Variants in LEKR1 observed in about 807,000 individuals in gnomAD.
The protein encoded by LEKR1 is leucine, glutamate and lysine rich 1.
A neutral mutation model predicts 72.4 loss-of-function variants in LEKR1; 59 were observed. That is an observed-to-expected ratio of 0.82 (90% CI 0.66 to 1.01). The LOEUF (loss-of-function observed/expected upper bound fraction) is 1.01, where lower values mean the gene tolerates loss of function less well. Among genes scored for constraint, LEKR1 ranks in the 50% least tolerant of loss-of-function variants. The pLI, the probability that LEKR1 is intolerant of heterozygous loss-of-function variation, is 0.00. For missense variants in LEKR1, 728 were observed against 759.2 expected, an observed-to-expected ratio of 0.96 and a Z score of 0.48; for synonymous variants, 257 against 263.2, an observed-to-expected ratio of 0.98 and a Z score of 0.23.
chr3:156,853,026 C>G (rs1272600538), intron 3 of LEKR1, 44 bp downstream of exon 3: 13 of 1,265,426 alleles, frequency 1.0e-5, no homozygotes, highest in Non-Finnish European at 1.4e-5. Flanking sequence ...AGTTGAAAGA[C>G]AGCTACAGGA....
chr3:156,864,170 G>T (rs1047828593), intron 3 of LEKR1, among the ~76,000 whole-genome samples: 1 of 152,002 alleles, frequency 6.6e-6, no homozygotes, highest in Non-Finnish European at 1.5e-5. Context: ...GAAGTCTGCT[G>T]ATGCCTCTAC....
intron 2 of LEKR1, among the ~76,000 whole-genome samples, chr3:156,839,928 G>A (rs1315135239): frequency 2.0e-5 from 3 of 152,224 alleles, no homozygotes; most frequent in Middle Eastern, 3.4e-3. Flanking sequence ...CTCCAAGCGT[G>A]CCTGTCTTTT....
intron 7 of LEKR1, among the ~76,000 whole-genome samples, chr3:156,983,864 G>C (rs1177155846): frequency 6.6e-6 from 1 of 152,162 alleles, no homozygotes. Flanking sequence ...AGCAAACAGA[G>C]GATCTTAAGT....
chr3:156,957,692 A>G lies in LEKR1; in HGVS notation c.745+14978A>G, dbSNP rs114310637. Among the ~76,000 whole-genome samples the G allele has an allele frequency of 2.9e-3, 442 of 152,152 alleles. 1 individual carries two copies. The highest frequency in any genetic ancestry group is 9.9e-3 in the African/African-American group (412 of 41,550). The stretch of plus-strand genomic sequence containing the variant: ...TTTCAGATGTTTTCAGTCTTCATAT[A>G]TAGGTTATGCAGTTGTAGATAGAAT... On this transcript the variant is annotated intron_variant, in intron 6 of 12. Transcript: ENST00000356539.
chr3:156,938,431 G>A (rs1330626248), intron 5 of LEKR1, among the ~76,000 whole-genome samples: 1 of 152,170 alleles, frequency 6.6e-6, no homozygotes, highest in African/African-American at 2.4e-5. Context: ...CCAGGCTGGA[G>A]TGCAGTGGCA....
intron 3 of LEKR1, among the ~76,000 whole-genome samples, chr3:156,901,797 C>T (rs564399755): frequency 1.6e-4 from 24 of 152,290 alleles, no homozygotes; most frequent in Non-Finnish European, 2.9e-4. Context: ...AGTGATTCTC[C>T]TACCTCAGCC....
chr3:156,832,112 A>G (rs1712492207), intron 2 of LEKR1, among the ~76,000 whole-genome samples: 1 of 152,226 alleles, frequency 6.6e-6, no homozygotes, highest in Non-Finnish European at 1.5e-5. Context: ...CATGTGTGCC[A>G]GGTTGAGATC....
At chr3:156,997,064 TAAA>T (rs200535143) in intron 9 of LEKR1, among the ~76,000 whole-genome samples, 2 of 140,088 alleles carry the variant, frequency 1.4e-5, no homozygotes, top group African/African-American at 2.6e-5. Flanking sequence ...AAACTTCATT[TAAA>T]AAAAAAAAAA....
At chr3:156,863,997 T>G (rs149194412) in intron 3 of LEKR1, among the ~76,000 whole-genome samples, 2 of 152,102 alleles carry the variant, frequency 1.3e-5, no homozygotes, top group Non-Finnish European at 2.9e-5. Flanking sequence ...CAGCAAGAAA[T>G]CTTCATGTGT....
At chr3:156,880,076 G>A (rs1719103372) in intron 3 of LEKR1, among the ~76,000 whole-genome samples, 1 of 152,210 alleles carries the variant, frequency 6.6e-6, no homozygotes, top group Admixed American at 6.5e-5. Flanking sequence ...GCTATGAGAA[G>A]AGGACCACTC....
intron 2 of LEKR1, among the ~76,000 whole-genome samples, chr3:156,835,560 A>G (rs1386664320): frequency 6.6e-6 from 1 of 152,226 alleles, no homozygotes; most frequent in East Asian, 1.9e-4. Context: ...CTACTGGGCA[A>G]CCCAAAGCCA....
At position 156,901,680 on chromosome 3, in the gene LEKR1, A is replaced by ATTTTG. The variant is rs201656138; in HGVS notation, c.264-18874_264-18870dup. Among the ~76,000 whole-genome samples the ATTTTG allele has an allele frequency of 6.7e-3, 1,022 of 152,064 alleles. 14 individuals are homozygous for ATTTTG. Among genetic ancestry groups the ATTTTG allele is most frequent in the African/African-American group, 0.023 (971 of 41,502 alleles). ...GGAAAATCTCAAATATTAATGATCC[A>ATTTTG]TTTTGTTTTGTTTTGTTTTGTTTTG... On this transcript the variant is annotated intron_variant, in intron 3 of 12. Coordinates refer to ENST00000356539, the MANE Select transcript of LEKR1 (RefSeq NM_001004316.3).
chr3:156,986,737 A>G (rs1196734826), intron 7 of LEKR1, among the ~76,000 whole-genome samples: 2 of 152,212 alleles, frequency 1.3e-5, no homozygotes, highest in East Asian at 3.8e-4. Flanking sequence ...TCCCTAAACC[A>G]TAAAATGGGA....
intron 2 of LEKR1, among the ~76,000 whole-genome samples, chr3:156,850,819 A>AAAG (rs543657381): frequency 6.6e-6 from 1 of 152,156 alleles, no homozygotes; most frequent in Non-Finnish European, 1.5e-5. Context: ...CAGGGCTGCT[A>AAAG]TGGATTCTCT....
chr3:156,858,795 T>C (rs1716405875), intron 3 of LEKR1, among the ~76,000 whole-genome samples: 1 of 152,228 alleles, frequency 6.6e-6, no homozygotes, highest in African/African-American at 2.4e-5. Flanking sequence ...TAAATAAATT[T>C]AAAGCTATTA....
At chr3:156,875,474 C>T (rs1307307199) in intron 3 of LEKR1, among the ~76,000 whole-genome samples, 13 of 152,036 alleles carry the variant, frequency 8.6e-5, no homozygotes, top group African/African-American at 2.4e-4. Context: ...ATTCTGTGGG[C>T]GGTCTGTTTA....
intron 12 of LEKR1, among the ~76,000 whole-genome samples, chr3:157,043,370 G>T (rs995590383): frequency 1.3e-5 from 2 of 151,948 alleles, no homozygotes; most frequent in African/African-American, 4.8e-5. Flanking sequence ...TAATGGATTG[G>T]GTCTTCCCCC....
chr3:156,883,010 G>A (rs1177421997), intron 3 of LEKR1, among the ~76,000 whole-genome samples: 2 of 150,194 alleles, frequency 1.3e-5, no homozygotes, highest in African/African-American at 2.5e-5. Context: ...TGTGGGTTGG[G>A]GGGAGGGGGG....
chr3:156,865,836 A>G (rs1717250409), intron 3 of LEKR1, among the ~76,000 whole-genome samples: 1 of 151,826 alleles, frequency 6.6e-6, no homozygotes, highest in Admixed American at 6.6e-5. Flanking sequence ...GAGATTATCT[A>G]CTTCTTTTTG....
Sources: allele counts gnomAD v4.1 joint callset (sites outside exome capture counted in the v4.1 genomes callset), GRCh38; gene constraint gnomAD v4.1.1; transcripts MANE v1.5; gene names NCBI Gene and HGNC (gene_info 2026-07-23, HGNC 2026-07-21).